TBCE: variants seen among roughly 807,000 people sequenced by gnomAD.
TBCE encodes the protein tubulin-specific chaperone E.
A neutral mutation model predicts 77.0 loss-of-function variants in TBCE; 53 were observed. The ratio of observed to expected loss-of-function variants is 0.69; its 90% CI spans 0.55 to 0.87. The LOEUF (loss-of-function observed/expected upper bound fraction) is 0.87, where lower values mean the gene tolerates loss of function less well. Among genes scored for constraint, TBCE ranks in the 40% least tolerant of loss-of-function variants. TBCE has a pLI of 0.00. For missense variants in TBCE, 624 were observed against 622.4 expected (o/e 1.00, Z -0.03); for synonymous variants, 235 against 241.3 (o/e 0.97, Z 0.24).
chr1:235,378,218 GTTTT>G (rs1000255764), intron 1 of TBCE, among the ~76,000 whole-genome samples: 1 of 152,038 alleles, frequency 6.6e-6, no homozygotes. Context: ...TTTTATTTGT[GTTTT>G]TTTGTTTGTT....
chr1:235,437,499 T>C (rs749528589), intron 12 of TBCE, 25 bp downstream of exon 12: 13 of 1,612,946 alleles, frequency 8.1e-6, no homozygotes, highest in Non-Finnish European at 1.1e-5. Context: ...CATGACTAGA[T>C]ATTTTTTAGA....
At chr1:235,406,808 G>GTGTTACCCGCCGTGTCCTGT in intron 3 of TBCE, among the ~76,000 whole-genome samples, 1 of 147,956 alleles carries the variant, frequency 6.8e-6, no homozygotes, top group African/African-American at 2.5e-5. Flanking sequence ...GGGATTACAG[G>GTGTTACCCGCCGTGTCCTGT]CATAAGCCAC....
intron 3 of TBCE, among the ~76,000 whole-genome samples, chr1:235,404,810 C>T (rs1159386163): frequency 2.6e-5 from 4 of 151,814 alleles, no homozygotes; most frequent in South Asian, 2.1e-4. Context: ...TACAGGCATG[C>T]GCCACCACAC....
At chr1:235,390,662 G>C (rs1444621076) in intron 2 of TBCE, among the ~76,000 whole-genome samples, 1 of 151,712 alleles carries the variant, frequency 6.6e-6, no homozygotes, top group Non-Finnish European at 1.5e-5. Flanking sequence ...TTGGGAGGCT[G>C]AGGCAGGAGA....
chr1:235,409,449 G>T (rs1474570424), intron 3 of TBCE, among the ~76,000 whole-genome samples: 1 of 152,086 alleles, frequency 6.6e-6, no homozygotes, highest in Admixed American at 6.6e-5. Flanking sequence ...ACCTCTTGGA[G>T]ATTTGTTGTT....
intron 13 of TBCE, among the ~76,000 whole-genome samples, chr1:235,439,392 A>G (rs527327008): frequency 6.6e-6 from 1 of 150,588 alleles, no homozygotes; most frequent in East Asian, 2.1e-4. Context: ...GCTACTCAGG[A>G]GGCTGAGGCA....
chr1:235,369,754 G>C (rs1471074565), intron 1 of TBCE, among the ~76,000 whole-genome samples: 1 of 151,222 alleles, frequency 6.6e-6, no homozygotes, highest in Admixed American at 6.6e-5. Context: ...TTGAACCTGG[G>C]GGCAGGCGCG....
intron 16 of TBCE, 91 bp downstream of exon 16, chr1:235,448,531 T>A: frequency 7.0e-7 from 1 of 1,422,986 alleles, no homozygotes; most frequent in Non-Finnish European, 9.9e-7. Flanking sequence ...AGTTTGATTC[T>A]AAATGGAGAC....
intron 6 of TBCE, among the ~76,000 whole-genome samples, chr1:235,428,137 A>C (rs1184601824): frequency 6.6e-6 from 1 of 151,516 alleles, no homozygotes. Context: ...ATCATAGCTA[A>C]CAAAGTGAAA....
chr1:235,386,392 G>A (rs937498698), intron 2 of TBCE, among the ~76,000 whole-genome samples: 1 of 152,184 alleles, frequency 6.6e-6, no homozygotes, highest in Non-Finnish European at 1.5e-5. Flanking sequence ...CCTGCAGAGT[G>A]TTTTCCAACT....
chr1:235,447,786 A>C (rs1314734591), intron 15 of TBCE, among the ~76,000 whole-genome samples: 1 of 152,144 alleles, frequency 6.6e-6, no homozygotes, highest in Non-Finnish European at 1.5e-5. Context: ...ACACTACTGA[A>C]ATGGTATGAA....
At chr1:235,394,114 G>A (rs1453438800) in intron 2 of TBCE, among the ~76,000 whole-genome samples, 1 of 151,908 alleles carries the variant, frequency 6.6e-6, no homozygotes, top group African/African-American at 2.4e-5. Flanking sequence ...TCGCTCTGTC[G>A]CTCAGGCTGG....
At chr1:235,445,786 T>C (rs1682220823) in intron 15 of TBCE, among the ~76,000 whole-genome samples, 1 of 152,176 alleles carries the variant, frequency 6.6e-6, no homozygotes, top group Non-Finnish European at 1.5e-5. Flanking sequence ...AATACACATA[T>C]GCTCTGACCA....
rs553766027 is a variant in TBCE at position 235,410,699 on chromosome 1, A to G, written c.186-3734A>G. 2.0e-5 allele frequency among the ~76,000 whole-genome samples: 3 copies of G among 152,334 alleles called. No individual in the cohort carries two copies. In the East Asian group the frequency reaches 5.8e-4, roughly 29 times the overall value. ...TTGCTCTGGTTCAAACGTCTCTGACATATTTCCCCCCTCCCTTTTACGAGA... is the reference window on the plus strand; with the variant it reads ...TTGCTCTGGTTCAAACGTCTCTGACGTATTTCCCCCCTCCCTTTTACGAGA... On this transcript the variant is annotated intron_variant, in intron 3 of 16. Coordinates refer to ENST00000642610, the MANE Select transcript of TBCE (RefSeq NM_003193.5).
chr1:235,426,147 C>G (rs1288402996), intron 5 of TBCE, among the ~76,000 whole-genome samples: 2 of 152,180 alleles, frequency 1.3e-5, no homozygotes, highest in African/African-American at 4.8e-5. Context: ...CTGCTGCAAG[C>G]TCCTCTGTCT....
intron 15 of TBCE, among the ~76,000 whole-genome samples, chr1:235,446,662 A>C (rs1283430496): frequency 6.6e-6 from 1 of 151,200 alleles, no homozygotes; most frequent in African/African-American, 2.4e-5. Flanking sequence ...AGAGATTGCT[A>C]CTTTCTTCTA....
chr1:235,411,960 C>A (rs563702807), intron 3 of TBCE, among the ~76,000 whole-genome samples: 1 of 151,580 alleles, frequency 6.6e-6, no homozygotes, highest in African/African-American at 2.4e-5. Context: ...CCAGACTGCT[C>A]GTAGGAAAGG....
chr1:235,428,751 C>G (rs1266573200), intron 6 of TBCE, among the ~76,000 whole-genome samples: 1 of 150,902 alleles, frequency 6.6e-6, no homozygotes, highest in Non-Finnish European at 1.5e-5. Flanking sequence ...TTGAGCGATT[C>G]TGCTGCCTCA....
At chr1:235,396,982 A>G (rs1018665959) in intron 2 of TBCE, among the ~76,000 whole-genome samples, 5 of 146,958 alleles carry the variant, frequency 3.4e-5, no homozygotes, top group African/African-American at 1.3e-4. Flanking sequence ...TTATTTATTT[A>G]TTTTTCTTTT....
Sources: allele counts gnomAD v4.1 joint callset (sites outside exome capture counted in the v4.1 genomes callset), GRCh38; gene constraint gnomAD v4.1.1; transcripts MANE v1.5; gene names NCBI Gene and HGNC (gene_info 2026-07-23, HGNC 2026-07-21).